IP6K1: variants seen among roughly 807,000 people sequenced by gnomAD.
The protein encoded by IP6K1 is inositol hexakisphosphate kinase 1.
In IP6K1, 13 loss-of-function variants were observed where a neutral mutation model predicts 38.3. The observed-to-expected ratio is 0.34, with a 90% CI of 0.22 to 0.54. The LOEUF is 0.54. Among genes scored for constraint, IP6K1 ranks in the 20% least tolerant of loss-of-function variants. The pLI is 0.92. For synonymous variants in IP6K1, 212 were observed against 229.9 expected (o/e 0.92, Z 0.70); for missense variants, 397 against 599.8 (o/e 0.66, Z 3.53).
chr3:49,730,520 G>A (rs1177112634), intron 4 of IP6K1, among the ~76,000 whole-genome samples: 1 of 152,068 alleles, frequency 6.6e-6, no homozygotes, highest in Non-Finnish European at 1.5e-5. Flanking sequence ...TCCCAAATAG[G>A]AATCTTTAGA....
intron 1 of IP6K1, chr3:49,775,415 ATG>A: frequency 2.4e-6 from 1 of 414,236 alleles, no homozygotes; most frequent in Non-Finnish European, 4.6e-6. Flanking sequence ...CTGGTGTGCT[ATG>A]TGATGAGTGT....
intron 1 of IP6K1, among the ~76,000 whole-genome samples, chr3:49,777,945 C>T (rs1391297365): frequency 6.6e-6 from 1 of 151,776 alleles, no homozygotes; most frequent in Non-Finnish European, 1.5e-5. Context: ...AATGATAAAG[C>T]ATAAAGGTCA....
intron 2 of IP6K1, among the ~76,000 whole-genome samples, chr3:49,742,858 T>A (rs1212045423): frequency 6.6e-6 from 1 of 151,754 alleles, no homozygotes; most frequent in African/African-American, 2.4e-5. Context: ...GCCACTGCAT[T>A]CCAGTCTGGG....
At chr3:49,740,213 A>G (rs1285715652) in intron 2 of IP6K1, among the ~76,000 whole-genome samples, 1 of 147,450 alleles carries the variant, frequency 6.8e-6, no homozygotes, top group Non-Finnish European at 1.5e-5. Flanking sequence ...CGATAGAAAC[A>G]TAAAATTTGC....
chr3:49,779,597 A>G (rs1464621705), intron 1 of IP6K1, among the ~76,000 whole-genome samples: 1 of 152,192 alleles, frequency 6.6e-6, no homozygotes. Flanking sequence ...TAATTTCTCC[A>G]TATTTCCATC....
At chr3:49,775,448 G>A (rs182605553) in intron 1 of IP6K1, 8 of 486,084 alleles carry the variant, frequency 1.6e-5, no homozygotes, top group Middle Eastern at 3.2e-4. Context: ...CTTAGCAGGG[G>A]TGCCGTGTGA....
Position 49,784,646 on chromosome 3 carries a change from G to GAAA in IP6K1, c.-129+1705_-129+1707dup, listed in dbSNP as rs35547506. 6.7e-4 allele frequency among the ~76,000 whole-genome samples: 90 copies of GAAA among 134,518 alleles called. 1 individual carries two copies. The highest frequency in any genetic ancestry group is 8.9e-4 in the East Asian group (4 of 4,496). The allele number at this position is 134,518 out of a possible 152,430, so 88.2% of individuals were successfully genotyped here. A position where few individuals can be genotyped will look rare whatever the true frequency, so the allele number is the denominator to read the frequency against. ...GGTGAGAGAACGAGACTTCGTCTCA[G>GAAA]AAAAAAAAAAAAAAAGTAGGCTTGG... On this transcript the variant is annotated intron_variant, in intron 1 of 5. Transcript: ENST00000321599.
chr3:49,758,499 T>C (rs2080843346), intron 1 of IP6K1: 1 of 152,084 alleles, frequency 6.6e-6, no homozygotes, highest in African/African-American at 2.4e-5. Flanking sequence ...CAGTTTCATA[T>C]TGGTGGAGCA....
intron 1 of IP6K1, among the ~76,000 whole-genome samples, chr3:49,767,738 T>G (rs1188051161): frequency 2.0e-5 from 3 of 152,148 alleles, no homozygotes; most frequent in African/African-American, 7.2e-5. Context: ...AGATCCCATC[T>G]CTATTCTAAA....
At chr3:49,764,681 C>T (rs1377477006) in intron 1 of IP6K1, among the ~76,000 whole-genome samples, 2 of 152,004 alleles carry the variant, frequency 1.3e-5, no homozygotes, top group Non-Finnish European at 2.9e-5. Context: ...GAGTTCAAGA[C>T]CAGCCTGGCC....
At chr3:49,748,514 A>G (rs1312298190) in intron 1 of IP6K1, among the ~76,000 whole-genome samples, 2 of 152,224 alleles carry the variant, frequency 1.3e-5, no homozygotes, top group Non-Finnish European at 2.9e-5. Flanking sequence ...AGATGAGATC[A>G]GAAAAAAACA....
chr3:49,772,901 G>A (rs747026623), intron 1 of IP6K1, among the ~76,000 whole-genome samples: 2 of 150,514 alleles, frequency 1.3e-5, no homozygotes, highest in African/African-American at 4.9e-5. Flanking sequence ...ACTGCTCACT[G>A]CAGCCTCCAA....
chr3:49,747,777 G>A, intron 2 of IP6K1, 41 bp downstream of exon 2: 1 of 1,612,756 alleles, frequency 6.2e-7, no homozygotes, highest in Non-Finnish European at 8.5e-7. Context: ...GGGTCTATAA[G>A]CCCAAGGCTG....
At chr3:49,765,877 T>C (rs1056553935) in intron 1 of IP6K1, among the ~76,000 whole-genome samples, 3 of 143,196 alleles carry the variant, frequency 2.1e-5, no homozygotes, top group African/African-American at 7.7e-5. Flanking sequence ...ACCCCATATC[T>C]AAAAAAAAAA....
At chr3:49,758,826 G>A (rs1295739581) in intron 1 of IP6K1, among the ~76,000 whole-genome samples, 1 of 152,030 alleles carries the variant, frequency 6.6e-6, no homozygotes, top group Non-Finnish European at 1.5e-5. Flanking sequence ...CAGGTGTGGT[G>A]GCGCATGTCT....
intron 1 of IP6K1, among the ~76,000 whole-genome samples, chr3:49,764,755 T>A (rs1305296279): frequency 6.6e-6 from 1 of 151,944 alleles, no homozygotes; most frequent in East Asian, 1.9e-4. Context: ...AGTGCACACC[T>A]GTAATCCCAG....
intron 1 of IP6K1, among the ~76,000 whole-genome samples, chr3:49,784,961 C>T (rs2081098705): frequency 6.6e-6 from 1 of 151,944 alleles, no homozygotes; most frequent in Non-Finnish European, 1.5e-5. Context: ...CAAAACAAAA[C>T]AAAACAAAAC....
chr3:49,752,537 G>T, intron 1 of IP6K1, among the ~76,000 whole-genome samples: 1 of 151,536 alleles, frequency 6.6e-6, no homozygotes. Context: ...GTGTGTGTGT[G>T]TGTGTGTGAG....
At chr3:49,770,164 T>C (rs2080944847) in intron 1 of IP6K1, among the ~76,000 whole-genome samples, 1 of 152,180 alleles carries the variant, frequency 6.6e-6, no homozygotes, top group African/African-American at 2.4e-5. Context: ...ACCACTTCAC[T>C]CTAGCCTGGG....
Sources: allele counts gnomAD v4.1 joint callset (sites outside exome capture counted in the v4.1 genomes callset), GRCh38; gene constraint gnomAD v4.1.1; transcripts MANE v1.5; gene names NCBI Gene and HGNC (gene_info 2026-07-23, HGNC 2026-07-21).